The following EXOC3L2 variants were observed in gnomAD, a reference collection of about 807,000 sequenced individuals.
EXOC3L2 encodes the protein exocyst complex component 3 like 2, also known as exocyst complex component 3-like protein 2.
Under a neutral mutation model 44.4 loss-of-function variants are expected in EXOC3L2, and 17 were observed. The ratio of observed to expected loss-of-function variants is 0.38; its 90% confidence interval spans 0.26 to 0.57. The LOEUF (loss-of-function observed/expected upper bound fraction) is 0.57, where lower values mean the gene tolerates loss of function less well. Ranked by LOEUF, EXOC3L2 falls within the 20% of genes least tolerant of loss-of-function variation. EXOC3L2 has a pLI of 0.65. For synonymous variants in EXOC3L2, 256 were observed against 253.7 expected, an observed-to-expected ratio of 1.01 and a Z score of -0.09; for missense variants, 541 against 588.4, an observed-to-expected ratio of 0.92 and a Z score of 0.83.
At chr19:45,245,172 C>T (rs1048984203) in intron 1 of EXOC3L2, among the ~76,000 whole-genome samples, 169 bp downstream of exon 1, 5 of 151,998 alleles carry the variant, frequency 3.3e-5, no homozygotes, top group Non-Finnish European at 5.9e-5. Flanking sequence ...TCTGCCTTCT[C>T]GCCAGCACCC....
At chr19:45,223,813 A>G (rs535532390) in intron 8 of EXOC3L2, among the ~76,000 whole-genome samples, 2 of 148,378 alleles carry the variant, frequency 1.3e-5, no homozygotes, top group Admixed American at 1.3e-4. Context: ...CCAACATGGT[A>G]AAACACCATC....
At chr19:45,227,562 C>T (rs1462285337) in intron 7 of EXOC3L2, 100 bp downstream of exon 7, 1 of 972,590 alleles carries the variant, frequency 1.0e-6, no homozygotes. Flanking sequence ...GCTCAGACTC[C>T]CCTGAGTCAG....
chr19:45,213,382 G>A (rs565176587), intron 11 of EXOC3L2, 25 bp from the exon 12 acceptor site: 4 of 1,610,158 alleles, frequency 2.5e-6, no homozygotes, highest in Middle Eastern at 1.7e-4. Flanking sequence ...ACAGACAGGT[G>A]CATGCAGATC....
chr19:45,213,402 A>G (rs780869435), intron 11 of EXOC3L2, 45 bp from the exon 12 acceptor site: 1 of 1,603,272 alleles, frequency 6.2e-7, no homozygotes, highest in Non-Finnish European at 8.5e-7. Flanking sequence ...CCCCAGCTCT[A>G]GACACACACC....
Position 45,228,021 on chromosome 19 carries a change from C to A in EXOC3L2, c.1425G>T (p.Glu475Asp), listed in dbSNP as rs759287672. Residue 475 changes from glutamate to aspartate, a missense_variant, in exon 6 of 12, where the codon GAG becomes GAT. By Grantham distance (45) the Glu-to-Asp change is conservative (BLOSUM62 2). Transcript: ENST00000413988. ...CGCCTAGGCAGCAGTGGGCCATCCGCTCCCCAAACTCCTGGCTGATGCGGG... is the reference window on the plus strand; with the variant it reads ...CGCCTAGGCAGCAGTGGGCCATCCGATCCCCAAACTCCTGGCTGATGCGGG... ...RAPRISQEFG[E>D]RMAHCCLGGL... 6.2e-7 allele frequency: 1 copy of A among 1,614,108 alleles called. No individual in the cohort carries two copies. The highest frequency in any genetic ancestry group is 2.2e-5 in the East Asian group (1 of 44,874).
Position 45,216,125 on chromosome 19 carries a change from G to C in EXOC3L2, c.2068C>G (p.Pro690Ala), listed in dbSNP as rs746231519. The C allele has an allele frequency of 3.0e-5, 48 of 1,613,868 alleles. 1 individual carries two copies. In the Admixed American group the frequency reaches 8.0e-4, roughly 27 times the overall value. Residue 690 changes from proline to alanine, a missense_variant, in exon 11 of 12, where the codon CCC (proline) becomes GCC (alanine). By Grantham distance (27) the Pro-to-Ala change is conservative. Transcript: ENST00000413988. ...ACTCCCACCTCCACCTGGATGCTGG[G>C]CGTGTCTTCCAGCTGCATGACTTCA... ...LAEVMQLEDT[P>A]SIQVEVGVLV...
At position 45,234,393 on chromosome 19, in the gene EXOC3L2, C is replaced by G; in HGVS notation, c.957G>C (p.Leu319=). 1 of 323,138 alleles carries G rather than the reference C, an allele frequency of 3.1e-6. No homozygotes were observed. The highest frequency in any genetic ancestry group is 5.6e-6 in the Non-Finnish European group (1 of 177,438). 20.0% of individuals were successfully genotyped at this position (323,138 alleles called of 1,614,324 possible). A position where few individuals can be genotyped will look rare whatever the true frequency, so the allele number is the denominator to read the frequency against. ...PGGLAGQLEA[L]RARLLEDMAV... ...CCATATCCTCCAGCAGCCGCGCCCGCAGCGCCTCCAGCTGCCCGGCCAGGC... is the reference window on the plus strand; with the variant it reads ...CCATATCCTCCAGCAGCCGCGCCCGGAGCGCCTCCAGCTGCCCGGCCAGGC... The change falls in exon 3 of 12, where the codon CTG becomes CTC. Residue 319 remains leucine (L), a synonymous_variant. Coordinates refer to ENST00000413988, the MANE Select transcript of EXOC3L2 (RefSeq NM_001382422.1). The surrounding 1 kb of genome is among the most constrained non-coding windows in gnomAD (Gnocchi z 5.0).
chr19:45,217,968 TG>T (rs1969854871), intron 9 of EXOC3L2, among the ~76,000 whole-genome samples: 1 of 151,996 alleles, frequency 6.6e-6, no homozygotes, highest in Non-Finnish European at 1.5e-5. Flanking sequence ...TGACTCAGTC[TG>T]CACCCCGCCT....
chr19:45,212,598 C>CTTTTT lies in EXOC3L2; in HGVS notation c.*466_*470dup, dbSNP rs530736333. The CTTTTT allele has an allele frequency of 3.6e-5, 4 of 111,324 alleles. No homozygotes were observed. Among genetic ancestry groups the CTTTTT allele is most frequent in the Non-Finnish European group, 5.2e-5 (3 of 58,102 alleles). The allele number at this position is 111,324 out of a possible 1,614,324, so 6.9% of individuals were successfully genotyped here. A position where few individuals can be genotyped will look rare whatever the true frequency, so the allele number is the denominator to read the frequency against. Reference sequence around the variant, plus strand: ...CTCTTTGGCCTCTGTTTCCCCCTACCTTTTTTTTTTTTTTTTTTTTTTGAG... The same window carrying CTTTTT: ...CTCTTTGGCCTCTGTTTCCCCCTACCTTTTTTTTTTTTTTTTTTTTTTTTTTTGAG... On this transcript the variant is annotated 3_prime_UTR_variant, in exon 12 of 12. Transcript: ENST00000413988.
At chr19:45,227,618 A>G in intron 7 of EXOC3L2, 44 bp downstream of exon 7, 5 of 1,549,348 alleles carry the variant, frequency 3.2e-6, no homozygotes, top group Non-Finnish European at 4.4e-6. Context: ...GTCAGCTTCC[A>G]CCTTGGATTG....
intron 1 of EXOC3L2, among the ~76,000 whole-genome samples, chr19:45,240,967 G>A (rs565185994): frequency 5.5e-4 from 83 of 152,258 alleles, no homozygotes; most frequent in South Asian, 1.0e-3. Context: ...CTGTGCAGGC[G>A]TTAGGGACAC....
chr19:45,224,660 C>A, intron 8 of EXOC3L2, 118 bp downstream of exon 8: 2 of 1,396,896 alleles, frequency 1.4e-6, no homozygotes, highest in South Asian at 1.5e-5. Flanking sequence ...CCCCTGCCCC[C>A]CGCCCCTGTC....
intron 11 of EXOC3L2, among the ~76,000 whole-genome samples, chr19:45,215,735 G>A (rs891363664): frequency 6.6e-6 from 1 of 152,132 alleles, no homozygotes; most frequent in East Asian, 1.9e-4. Context: ...GTCCCAGTGC[G>A]TGTGCGCCCG....
intron 7 of EXOC3L2, among the ~76,000 whole-genome samples, chr19:45,225,136 G>A (rs1373012106): frequency 6.6e-6 from 1 of 151,440 alleles, no homozygotes; most frequent in Non-Finnish European, 1.5e-5. Context: ...TGGATGTTGG[G>A]GGGCTGAGGG....
intron 2 of EXOC3L2, among the ~76,000 whole-genome samples, chr19:45,236,919 C>T (rs1407419643): frequency 1.3e-5 from 2 of 151,108 alleles, no homozygotes; most frequent in East Asian, 1.9e-4. Context: ...ACAGGAGAAT[C>T]GCTTGAACCC....
chr19:45,239,767 A>T (rs1970115808), intron 1 of EXOC3L2, among the ~76,000 whole-genome samples: 1 of 150,236 alleles, frequency 6.7e-6, no homozygotes, highest in Non-Finnish European at 1.5e-5. Flanking sequence ...CGATCCACCT[A>T]CTTCAGCCTC....
At chr19:45,219,413 A>AAAAAAAAAG (rs1404154051) in intron 8 of EXOC3L2, among the ~76,000 whole-genome samples, 5 of 150,672 alleles carry the variant, frequency 3.3e-5, no homozygotes, top group Non-Finnish European at 7.4e-5. Flanking sequence ...AAAAAAAAAA[A>AAAAAAAAAG]AGAGAAAAAG....
chr19:45,224,598 C>T (rs560789968), intron 8 of EXOC3L2, among the ~76,000 whole-genome samples, 180 bp downstream of exon 8: 78 of 152,254 alleles, frequency 5.1e-4, no homozygotes, highest in African/African-American at 1.7e-3. Flanking sequence ...TCTGTTATCC[C>T]GGTGGGTGCA....
intron 8 of EXOC3L2, among the ~76,000 whole-genome samples, 191 bp from the exon 9 acceptor site, chr19:45,218,510 A>C (rs1414521547): frequency 6.6e-6 from 1 of 152,138 alleles, no homozygotes; most frequent in Non-Finnish European, 1.5e-5. Flanking sequence ...ACTGGTCCCC[A>C]GGTAGTGATG....
Sources: gnomAD v4.1 joint callset for allele counts (sites outside exome capture counted in the v4.1 genomes callset) on GRCh38, gnomAD v4.1.1 for gene constraint, Gnocchi (gnomAD v3.1) non-coding constraint, MANE v1.5 for transcripts, NCBI Gene and HGNC (gene_info 2026-07-23, HGNC 2026-07-21) for gene names.